Variants in MPP7 observed in about 807,000 individuals in gnomAD.
MPP7 encodes MAGUK p55 subfamily member 7.
Under a neutral mutation model 76.5 loss-of-function variants are expected in MPP7, and 60 were observed. The observed-to-expected ratio is 0.78, with a 90% CI of 0.64 to 0.97. MPP7 has a LOEUF of 0.97. MPP7 is among the 50% of genes least tolerant of loss of function. MPP7 has a pLI of 0.00. For synonymous variants in MPP7, 237 were observed against 244.5 expected, an observed-to-expected ratio of 0.97 and a Z score of 0.29; for missense variants, 641 against 694.0, an observed-to-expected ratio of 0.92 and a Z score of 0.86.
chr10:28,321,194 G>A (rs984559919), intron 2 of MPP7, among the ~76,000 whole-genome samples: 3 of 152,060 alleles, frequency 2.0e-5, no homozygotes, highest in South Asian at 4.1e-4. Context: ...ATAGAAATTA[G>A]GATATATATT....
At chr10:28,148,119 T>C (rs1484389751) in intron 4 of MPP7, among the ~76,000 whole-genome samples, 1 of 152,178 alleles carries the variant, frequency 6.6e-6, no homozygotes, top group Non-Finnish European at 1.5e-5. Flanking sequence ...ATCTGTTAAA[T>C]ACCAACCAAT....
Position 28,054,034 on chromosome 10 carries a change from A to C in MPP7, c.*31T>G, listed in dbSNP as rs771487882. The stretch of plus-strand genomic sequence containing the variant: ...TAATTGATTTCATCATGCACTCTAT[A>C]GAAAAAGACAATTATGGAAATTTCT... On this transcript the variant is annotated 3_prime_UTR_variant, in exon 17 of 17. Coordinates refer to ENST00000683449, the MANE Select transcript of MPP7 (RefSeq NM_001318170.2). 81 of 1,565,158 alleles carry C rather than the reference A, an allele frequency of 5.2e-5. No individual in the cohort carries two copies. Among genetic ancestry groups the C allele is most frequent in the Non-Finnish European group, 6.9e-5 (79 of 1,140,084 alleles).
intron 1 of MPP7, among the ~76,000 whole-genome samples, chr10:28,282,890 T>C (rs925020779): frequency 6.6e-6 from 1 of 151,922 alleles, no homozygotes; most frequent in African/African-American, 2.4e-5. Context: ...GACTGGAAAG[T>C]TCTATAGCCT....
intron 5 of MPP7, among the ~76,000 whole-genome samples, chr10:28,137,889 C>A (rs561886490): frequency 6.6e-6 from 1 of 152,302 alleles, no homozygotes; most frequent in Non-Finnish European, 1.5e-5. Context: ...ACTGGAACCC[C>A]TGGAGTCAAC....
chr10:28,105,273 A>G (rs1319268750), intron 11 of MPP7, among the ~76,000 whole-genome samples: 4 of 150,788 alleles, frequency 2.7e-5, no homozygotes. Flanking sequence ...CCTTGAAGAA[A>G]CATATTGTCT....
intron 3 of MPP7, among the ~76,000 whole-genome samples, chr10:28,196,100 G>T (rs73608067): frequency 0.023 from 3,533 of 152,282 alleles, 141 homozygotes; most frequent in African/African-American, 0.081. Flanking sequence ...AAATTCAACT[G>T]TAAGAGGATG....
At chr10:28,080,355 G>A (rs1200611717) in intron 12 of MPP7, among the ~76,000 whole-genome samples, 1 of 152,124 alleles carries the variant, frequency 6.6e-6, no homozygotes, top group African/African-American at 2.4e-5. Flanking sequence ...ACGGGGGCAT[G>A]AGAAACTGCC....
chr10:28,139,400 T>C (rs1281239166), intron 5 of MPP7, among the ~76,000 whole-genome samples: 1 of 152,226 alleles, frequency 6.6e-6, no homozygotes, highest in African/African-American at 2.4e-5. Flanking sequence ...TTTACTCATA[T>C]AACCTCCAGT....
intron 11 of MPP7, among the ~76,000 whole-genome samples, chr10:28,105,943 C>A (rs1471189166): frequency 2.6e-5 from 4 of 152,100 alleles, no homozygotes; most frequent in Non-Finnish European, 5.9e-5. Context: ...GATCTTTGTC[C>A]CAACACAGTC....
intron 2 of MPP7, among the ~76,000 whole-genome samples, chr10:28,325,541 T>C (rs1187859519): frequency 1.3e-5 from 2 of 151,946 alleles, no homozygotes; most frequent in African/African-American, 4.8e-5. Context: ...TCGCCCAGGC[T>C]GGAGTGCAGT....
chr10:28,131,735 T>G (rs41283718), intron 5 of MPP7, 44 bp from the exon 6 acceptor site: 18,375 of 1,028,930 alleles, frequency 0.018, 218 homozygotes, highest in Non-Finnish European at 0.019. Flanking sequence ...ATATACATAC[T>G]TATATATTAT....
chr10:28,059,440 T>C (rs10219011), intron 14 of MPP7: 136,630 of 477,130 alleles, frequency 0.29, 23,735 homozygotes, highest in East Asian at 0.66. Context: ...CTACACATTT[T>C]ATAGAAATGA....
chr10:28,203,644 A>C (rs1029469871), intron 2 of MPP7, among the ~76,000 whole-genome samples: 1 of 152,204 alleles, frequency 6.6e-6, no homozygotes, highest in African/African-American at 2.4e-5. Context: ...TCTCAGCCTA[A>C]CTCAATCTAT....
chr10:28,289,565 A>G (rs1047279383), intron 1 of MPP7, among the ~76,000 whole-genome samples: 1 of 152,170 alleles, frequency 6.6e-6, no homozygotes, highest in Non-Finnish European at 1.5e-5. Context: ...CGTGTTTAAG[A>G]GATGTGTGGC....
At chr10:28,231,106 A>G (rs1352858823) in intron 2 of MPP7, among the ~76,000 whole-genome samples, 2 of 152,078 alleles carry the variant, frequency 1.3e-5, no homozygotes, top group East Asian at 3.9e-4. Flanking sequence ...AACAAATTTC[A>G]AAGGGCTAAA....
intron 5 of MPP7, among the ~76,000 whole-genome samples, chr10:28,137,513 C>T (rs1835386833): frequency 6.6e-6 from 1 of 152,148 alleles, no homozygotes; most frequent in South Asian, 2.1e-4. Flanking sequence ...AATTGACAGG[C>T]AATATTAAGA....
At chr10:28,287,306 T>C (rs1840811231) in intron 1 of MPP7, among the ~76,000 whole-genome samples, 2 of 152,168 alleles carry the variant, frequency 1.3e-5, no homozygotes, top group South Asian at 4.1e-4. Context: ...TAAAAATTTG[T>C]AGAGGGTAGA....
chr10:28,194,706 T>C (rs916362969), intron 3 of MPP7, among the ~76,000 whole-genome samples: 1 of 152,208 alleles, frequency 6.6e-6, no homozygotes, highest in African/African-American at 2.4e-5. Context: ...CTATCAGTGA[T>C]TGCTGAGCTG....
chr10:28,236,006 CGCTA>C (rs1287710063), intron 2 of MPP7, among the ~76,000 whole-genome samples: 3 of 152,116 alleles, frequency 2.0e-5, no homozygotes, highest in South Asian at 2.1e-4. Context: ...AATGGAAATA[CGCTA>C]GCTATCACTA....
Sources: gnomAD v4.1 joint callset for allele counts (sites outside exome capture counted in the v4.1 genomes callset) on GRCh38, gnomAD v4.1.1 for gene constraint, MANE v1.5 for transcripts, NCBI Gene and HGNC (gene_info 2026-07-23, HGNC 2026-07-21) for gene names.